The following SNX15 variants were observed in gnomAD, a reference collection of about 807,000 sequenced individuals.
SNX15 encodes sorting nexin 15, also known as sorting nexin-15.
Under a neutral mutation model 35.2 loss-of-function variants are expected in SNX15, and 29 were observed. That is an observed-to-expected ratio of 0.82 (90% CI 0.61 to 1.12). The LOEUF (loss-of-function observed/expected upper bound fraction) is 1.12, where lower values mean the gene tolerates loss of function less well. SNX15 is among the 50% of genes most tolerant of loss of function. SNX15 has a pLI of 0.00. For synonymous variants in SNX15, 189 were observed against 188.2 expected (o/e 1.00, Z -0.03); for missense variants, 400 against 451.5 (o/e 0.89, Z 1.03).
intron 3 of SNX15, among the ~76,000 whole-genome samples, chr11:65,034,037 T>C (rs1285383275): frequency 1.3e-5 from 2 of 152,118 alleles, no homozygotes; most frequent in East Asian, 3.9e-4. Flanking sequence ...AGGTAAAGGA[T>C]TGCTGCTGTC....
At chr11:65,033,749 C>A (rs1309426477) in intron 3 of SNX15, among the ~76,000 whole-genome samples, 2 of 151,996 alleles carry the variant, frequency 1.3e-5, no homozygotes, top group East Asian at 3.9e-4. Context: ...GTCACCCAGG[C>A]TGGAGTCCAG....
chr11:65,036,808 G>T (rs608772), intron 6 of SNX15: 18,346 of 150,902 alleles, frequency 0.12, 1,465 homozygotes, highest in South Asian at 0.23. Context: ...TGAGTGGCTG[G>T]GACTACAGGC....
intron 7 of SNX15, 46 bp downstream of exon 7, chr11:65,038,875 G>A: frequency 6.8e-7 from 1 of 1,468,574 alleles, no homozygotes; most frequent in Non-Finnish European, 9.1e-7. Flanking sequence ...GTCCCAGGTG[G>A]GGCAGTGATG....
chr11:65,029,096 TATAAATAAATAAATAA>T (rs113466481), intron 1 of SNX15, among the ~76,000 whole-genome samples: 2 of 148,448 alleles, frequency 1.3e-5, no homozygotes, highest in East Asian at 3.9e-4. Flanking sequence ...GTCTCAAAAA[TATAAATAAATAAATAA>T]ATAAATAAAT....
In SNX15 at chr11:65,039,735, G is replaced by A; in HGVS notation, c.972G>A (p.Glu324=). The A allele has an allele frequency of 6.2e-7, 1 of 1,613,792 alleles. No individual in the cohort carries two copies. The highest frequency in any genetic ancestry group is 1.3e-5 in the African/African-American group (1 of 75,046). ...AAGGTGTGAAGAAGAAGGCAGCTGA[G>A]TACCTGAAGCGGGCAGAGGAGATCC... is the stretch of plus-strand genomic sequence containing the variant. ...RQEGVKKKAA[E]YLKRAEEILR... is the part of the protein sequence containing the mutation. Residue 324 remains glutamate (E), a synonymous_variant, in exon 8 of 8, where the codon GAG becomes GAA. Coordinates refer to ENST00000377244, the MANE Select transcript of SNX15 (RefSeq NM_013306.5).
intron 1 of SNX15, among the ~76,000 whole-genome samples, chr11:65,031,537 T>G (rs1333177425): frequency 6.6e-6 from 1 of 152,202 alleles, no homozygotes; most frequent in Non-Finnish European, 1.5e-5. Flanking sequence ...AGGCAGAACC[T>G]CCCTTCTTTG....
At chr11:65,031,592 G>A (rs1385183673) in intron 1 of SNX15, among the ~76,000 whole-genome samples, 5 of 152,184 alleles carry the variant, frequency 3.3e-5, no homozygotes, top group African/African-American at 1.2e-4. Context: ...GAGGGACTTG[G>A]TCTGTTCAAG....
In SNX15 at chr11:65,027,464, CGGAGGCTGGGCCGGA is replaced by C. The variant is rs1946383879; in HGVS notation, c.-71_-57del. ...GCAGGCCTGGCGAGGCGGCGGCGGG[CGGAGGCTGGGCCGGA>C]GGGGTGGGGACGGCGAGGAGGTGGA... On this transcript the variant is annotated 5_prime_UTR_variant, in exon 1 of 8. Coordinates refer to ENST00000377244, the MANE Select transcript of SNX15 (RefSeq NM_013306.5). 1.6e-6 allele frequency: 2 copies of C among 1,213,364 alleles called. No homozygotes were observed. The allele number at this position is 1,213,364 out of a possible 1,614,324, so 75.2% of individuals were successfully genotyped here.
At position 65,038,782 on chromosome 11, in the gene SNX15, T is replaced by C; in HGVS notation, c.875T>C (p.Leu292Pro). The change falls in exon 7 of 8, where the codon CTC becomes CCC. Residue 292 changes from leucine (L) to proline (P), a missense_variant. By Grantham distance (98) the Leu-to-Pro change is moderately conservative. Transcript: ENST00000377244. ...AAGGCAGGCGCTTACGCTGCTGCACTCCAGGGCTATCGAGACGGCGTGCAC... is the reference window on the plus strand; with the variant it reads ...AAGGCAGGCGCTTACGCTGCTGCACCCCAGGGCTATCGAGACGGCGTGCAC... ...DEKAGAYAAA[L>P]QGYRDGVHVL... 1 of 1,599,048 alleles carries C rather than the reference T, an allele frequency of 6.3e-7. No homozygotes were observed. The highest frequency in any genetic ancestry group is 8.5e-7 in the Non-Finnish European group (1 of 1,173,362).
chr11:65,038,386 A>G (rs1178169853), intron 6 of SNX15, 186 bp from the exon 7 acceptor site: 17 of 1,140,356 alleles, frequency 1.5e-5, no homozygotes, highest in Middle Eastern at 6.4e-4. Flanking sequence ...AAGCACATGA[A>G]CCCTATCGAT....
chr11:65,030,741 G>T (rs1946431775), intron 1 of SNX15, among the ~76,000 whole-genome samples: 1 of 152,046 alleles, frequency 6.6e-6, no homozygotes, highest in African/African-American at 2.4e-5. Flanking sequence ...GACCTCAAGT[G>T]ATTCTCCCAC....
chr11:65,033,893 A>G (rs1442892726), intron 3 of SNX15, among the ~76,000 whole-genome samples: 2 of 151,894 alleles, frequency 1.3e-5, no homozygotes, highest in Non-Finnish European at 2.9e-5. Context: ...TTTTTAGTAG[A>G]GACAGGGTTT....
intron 3 of SNX15, among the ~76,000 whole-genome samples, chr11:65,034,604 T>G (rs1335678887): frequency 6.6e-6 from 1 of 152,222 alleles, no homozygotes; most frequent in African/African-American, 2.4e-5. Context: ...CTGTTCACCT[T>G]CTGAGTCTAG....
chr11:65,039,279 A>C (rs1946546476), intron 7 of SNX15, among the ~76,000 whole-genome samples: 1 of 150,278 alleles, frequency 6.7e-6, no homozygotes. Context: ...GCTGGAGTGC[A>C]GTGGCACAAT....
rs1170086787 is a variant in SNX15, at chr11:65,039,742, A to C, written c.979A>C (p.Lys327Gln). 1 of 1,613,700 alleles carries C rather than the reference A, an allele frequency of 6.2e-7. No homozygotes were observed. Among genetic ancestry groups the C allele is most frequent in the East Asian group, 2.2e-5 (1 of 44,882 alleles). Reference protein sequence around the residue: ...GVKKKAAEYLKRAEEILRLHL... With the variant: ...GVKKKAAEYLQRAEEILRLHL... ...GAAGAAGAAGGCAGCTGAGTACCTG[A>C]AGCGGGCAGAGGAGATCCTGCGCCT... Residue 327 changes from lysine (K) to glutamine (Q), a missense_variant, in exon 8 of 8, where the codon AAG becomes CAG. Transcript: ENST00000377244.
intron 1 of SNX15, among the ~76,000 whole-genome samples, chr11:65,029,475 C>A (rs1293819307): frequency 2.0e-5 from 3 of 149,874 alleles, no homozygotes; most frequent in African/African-American, 7.3e-5. Flanking sequence ...CTTTTTAAAC[C>A]AAGCAACATG....
At chr11:65,031,884 G>A (rs1946443374) in intron 1 of SNX15, among the ~76,000 whole-genome samples, 1 of 152,002 alleles carries the variant, frequency 6.6e-6, no homozygotes, top group Non-Finnish European at 1.5e-5. Context: ...GCGACAGAGC[G>A]AGACTCCATC....
At chr11:65,029,043 A>AT (rs1217578170) in intron 1 of SNX15, among the ~76,000 whole-genome samples, 2 of 152,036 alleles carry the variant, frequency 1.3e-5, no homozygotes, top group African/African-American at 2.4e-5. Context: ...GTGAGCCGAG[A>AT]TTGTGCCACT....
rs988588505 is a variant in SNX15 at position 65,038,729 on chromosome 11, G to A, written c.822G>A (p.Glu274=). ...PTPAYLSQAT[E]LITQALRDEK... ...CTGCCTACCTAAGCCAGGCCACAGA[G>A]CTCATCACCCAGGCCCTGCGGGATG... The change falls in exon 7 of 8, where the codon GAG becomes GAA. Residue 274 remains glutamate, a synonymous_variant. Transcript: ENST00000377244. 1.2e-6 allele frequency: 2 copies of A among 1,605,184 alleles called. No individual in the cohort carries two copies. The highest frequency in any genetic ancestry group is 1.7e-6 in the Non-Finnish European group (2 of 1,176,276).
Sources: allele counts gnomAD v4.1 joint callset (sites outside exome capture counted in the v4.1 genomes callset), GRCh38; gene constraint gnomAD v4.1.1; transcripts MANE v1.5; gene names NCBI Gene and HGNC (gene_info 2026-07-23, HGNC 2026-07-21).